LRP1B: variants seen among roughly 807,000 people sequenced by gnomAD.
LRP1B encodes the protein low-density lipoprotein receptor-related protein 1B.
Under a neutral mutation model 556.6 loss-of-function variants are expected in LRP1B, and 217 were observed. That is an observed-to-expected ratio of 0.39 (90% CI 0.35 to 0.44). The LOEUF is 0.44. Ranked by LOEUF, LRP1B falls within the 20% of genes least tolerant of loss-of-function variation. The pLI, the probability that LRP1B is intolerant of heterozygous loss-of-function variation, is 1.00. For missense variants in LRP1B, 5,053 were observed against 5,620.8 expected, an observed-to-expected ratio of 0.90 and a Z score of 3.23; for synonymous variants, 2,047 against 1,865.8, an observed-to-expected ratio of 1.10 and a Z score of -2.50.
intron 66 of LRP1B, among the ~76,000 whole-genome samples, chr2:140,387,857 T>A (rs528917146): frequency 1.3e-5 from 2 of 152,256 alleles, no homozygotes; most frequent in Admixed American, 1.3e-4. Context: ...ATTTGCCAGT[T>A]ATAATAAACT....
intron 71 of LRP1B, among the ~76,000 whole-genome samples, chr2:140,367,635 T>C (rs1461454192): frequency 1.3e-5 from 2 of 151,800 alleles, no homozygotes; most frequent in Non-Finnish European, 2.9e-5. Context: ...ATAAAAAAGA[T>C]AGCATATGCA....
chr2:140,932,868 ACTCT>A (rs912834549), intron 20 of LRP1B, among the ~76,000 whole-genome samples: 1 of 112,190 alleles, frequency 8.9e-6, no homozygotes, highest in Non-Finnish European at 1.9e-5. Context: ...AGAGTGAGAC[ACTCT>A]CTCTCTCTCC....
At chr2:141,959,767 A>T (rs1701351798) in intron 1 of LRP1B, among the ~76,000 whole-genome samples, 1 of 151,926 alleles carries the variant, frequency 6.6e-6, no homozygotes, top group African/African-American at 2.4e-5. Flanking sequence ...GTCTTTTACA[A>T]CGACAGAATA....
chr2:141,918,738 G>C (rs972841910), intron 1 of LRP1B, among the ~76,000 whole-genome samples: 1 of 152,110 alleles, frequency 6.6e-6, no homozygotes, highest in African/African-American at 2.4e-5. Context: ...AAAATAGCCA[G>C]GATAATAGCC....
chr2:141,325,062 T>C (rs1687383330), intron 3 of LRP1B, among the ~76,000 whole-genome samples: 1 of 152,060 alleles, frequency 6.6e-6, no homozygotes, highest in Non-Finnish European at 1.5e-5. Flanking sequence ...ATAAAATATT[T>C]GTAATAACAT....
chr2:141,805,184 C>T (rs1170506033), intron 2 of LRP1B, among the ~76,000 whole-genome samples: 3 of 152,176 alleles, frequency 2.0e-5, no homozygotes, highest in South Asian at 4.1e-4. Flanking sequence ...CTGGCATTTG[C>T]CTTTTCCCTT....
intron 25 of LRP1B, among the ~76,000 whole-genome samples, chr2:140,874,456 G>C (rs1408652154): frequency 6.6e-6 from 1 of 152,016 alleles, no homozygotes; most frequent in Non-Finnish European, 1.5e-5. Flanking sequence ...TTTCTTAAAG[G>C]TCTAAAGGAA....
intron 2 of LRP1B, among the ~76,000 whole-genome samples, chr2:141,555,722 A>G (rs1454883069): frequency 6.6e-6 from 1 of 151,868 alleles, no homozygotes; most frequent in Non-Finnish European, 1.5e-5. Flanking sequence ...AACCTCCTAC[A>G]CAGCTTTCTA....
intron 6 of LRP1B, among the ~76,000 whole-genome samples, chr2:141,196,778 C>T (rs746105552): frequency 1.8e-4 from 27 of 152,196 alleles, no homozygotes; most frequent in South Asian, 1.0e-3. Context: ...CTTCCTGTTC[C>T]AAACTGCAAC....
chr2:140,984,100 CA>C (rs1696850046), intron 17 of LRP1B, among the ~76,000 whole-genome samples: 1 of 151,620 alleles, frequency 6.6e-6, no homozygotes, highest in African/African-American at 2.4e-5. Context: ...GAAATATACA[CA>C]AAATCTAATG....
chr2:140,547,828 AT>A (rs1220194101), intron 43 of LRP1B, among the ~76,000 whole-genome samples: 1 of 151,966 alleles, frequency 6.6e-6, no homozygotes, highest in Admixed American at 6.6e-5. Flanking sequence ...AGTTGTTCTA[AT>A]TTTTTGTATT....
chr2:140,633,368 T>C (rs1683960664), intron 41 of LRP1B, among the ~76,000 whole-genome samples: 1 of 152,090 alleles, frequency 6.6e-6, no homozygotes, highest in African/African-American at 2.4e-5. Flanking sequence ...GCATATATTA[T>C]AAAACAAGAA....
intron 1 of LRP1B, among the ~76,000 whole-genome samples, chr2:142,047,864 C>T (rs1704314221): frequency 6.6e-6 from 1 of 151,984 alleles, no homozygotes; most frequent in Non-Finnish European, 1.5e-5. Context: ...ACTCTGAGAC[C>T]TCCAGGACCA....
chr2:141,510,234 A>ACCCCC (rs1553524127), intron 2 of LRP1B, among the ~76,000 whole-genome samples: 123 of 145,314 alleles, frequency 8.5e-4, no homozygotes, highest in African/African-American at 3.0e-3. Flanking sequence ...ACACACACAC[A>ACCCCC]CCCCCCACAG....
At chr2:141,944,846 A>C (rs1558977830) in intron 1 of LRP1B, among the ~76,000 whole-genome samples, 1 of 152,126 alleles carries the variant, frequency 6.6e-6, no homozygotes, top group Non-Finnish European at 1.5e-5. Context: ...TTCTCCCTCT[A>C]ACACACACAG....
intron 35 of LRP1B, among the ~76,000 whole-genome samples, chr2:140,748,053 T>G (rs2104882974): frequency 1.5e-5 from 2 of 137,544 alleles, no homozygotes; most frequent in Admixed American, 1.6e-4. Context: ...CAAGAGCTGT[T>G]AACACAATAT....
chr2:142,096,863 T>G (rs1445162847), intron 1 of LRP1B, among the ~76,000 whole-genome samples: 3 of 151,482 alleles, frequency 2.0e-5, no homozygotes, highest in Non-Finnish European at 4.4e-5. Context: ...TTTTAACCCT[T>G]TCTCCTCTCC....
At chr2:141,819,130 C>T (rs957578321) in intron 1 of LRP1B, among the ~76,000 whole-genome samples, 87 of 151,510 alleles carry the variant, frequency 5.7e-4, no homozygotes, top group African/African-American at 2.0e-3. Flanking sequence ...CCCAGCTACT[C>T]AGGAGGCAGA....
chr2:141,548,520 G>GT (rs1274783458), intron 2 of LRP1B, among the ~76,000 whole-genome samples: 3 of 152,130 alleles, frequency 2.0e-5, no homozygotes, highest in Admixed American at 6.6e-5. Flanking sequence ...GACCTTTGAG[G>GT]TTTTTTGCCC....
Sources: gnomAD v4.1 joint callset for allele counts (sites outside exome capture counted in the v4.1 genomes callset) on GRCh38, gnomAD v4.1.1 for gene constraint, MANE v1.5 for transcripts, NCBI Gene and HGNC (gene_info 2026-07-23, HGNC 2026-07-21) for gene names.